Variants in SNX29 observed in about 807,000 individuals in gnomAD.
SNX29 encodes the protein sorting nexin-29.
A neutral mutation model predicts 102.1 loss-of-function variants in SNX29; 78 were observed. That is an observed-to-expected ratio of 0.76 (90% CI 0.64 to 0.92). SNX29 has a LOEUF of 0.92. Ranked by LOEUF, SNX29 falls within the 40% of genes least tolerant of loss-of-function variation. The probability of loss-of-function intolerance (pLI) is 0.00; values close to 1 mark genes in which losing one functional copy is unlikely to be tolerated. For synonymous variants in SNX29, 580 were observed against 414.5 expected (o/e 1.40, Z -4.85); for missense variants, 1,280 against 1,061.7 (o/e 1.21, Z -2.86).
intron 15 of SNX29, among the ~76,000 whole-genome samples, chr16:12,282,108 A>G (rs866535583): frequency 4.6e-4 from 67 of 147,006 alleles, no homozygotes; most frequent in Non-Finnish European, 8.2e-4. Flanking sequence ...AAAAAAAAAA[A>G]TGCAGAGCTG....
intron 15 of SNX29, among the ~76,000 whole-genome samples, chr16:12,332,233 C>T (rs2081311593): frequency 6.6e-6 from 1 of 152,102 alleles, no homozygotes; most frequent in South Asian, 2.1e-4. Flanking sequence ...GGTGTGTGCA[C>T]TTGCGTCCTT....
chr16:12,342,565 T>G (rs2081640480), intron 15 of SNX29, among the ~76,000 whole-genome samples: 1 of 152,174 alleles, frequency 6.6e-6, no homozygotes, highest in African/African-American at 2.4e-5. Context: ...ATGTGCCCAG[T>G]TCTGTGTGTC....
intron 20 of SNX29, among the ~76,000 whole-genome samples, chr16:12,532,806 C>G (rs368339319): frequency 5.1e-4 from 78 of 152,278 alleles, no homozygotes; most frequent in South Asian, 3.1e-3. Context: ...GGTGCGAAAG[C>G]TGAAGACAGC....
intron 19 of SNX29, among the ~76,000 whole-genome samples, chr16:12,489,774 C>G (rs551809389): frequency 6.6e-6 from 1 of 152,252 alleles, no homozygotes; most frequent in African/African-American, 2.4e-5. Context: ...CTTCCTCCCC[C>G]GTTCACTTCT....
chr16:12,513,540 G>A (rs191918), intron 19 of SNX29, among the ~76,000 whole-genome samples: 29,143 of 151,906 alleles, frequency 0.19, 3,970 homozygotes, highest in African/African-American at 0.39. Flanking sequence ...TGCCTGGTGC[G>A]TTCCAGGTGG....
In SNX29 at chr16:12,552,578, C is replaced by G. The variant is rs2561035; in HGVS notation, c.2319-15928C>G. Among the ~76,000 whole-genome samples, 1,468 of 151,514 alleles carry G rather than the reference C, an allele frequency of 9.7e-3. 10 individuals carry two copies. Among genetic ancestry groups the G allele is most frequent in the Non-Finnish European group, 0.015 (1,054 of 68,012 alleles). ...CACACAGGCCAGCCAAGTTGCTGCC[C>G]TCATGGAGTTTATATTCTCATGGGG... On this transcript the variant is annotated intron_variant, in intron 20 of 20. Coordinates refer to ENST00000566228, the MANE Select transcript of SNX29 (RefSeq NM_032167.5).
chr16:12,164,912 T>A (rs2055948630), intron 13 of SNX29, among the ~76,000 whole-genome samples: 1 of 152,162 alleles, frequency 6.6e-6, no homozygotes, highest in Non-Finnish European at 1.5e-5. Context: ...GGTCTTGAAC[T>A]CCTGACCTCA....
At chr16:12,398,298 C>G (rs2083791276) in intron 16 of SNX29, 148 bp from the exon 17 acceptor site, 1 of 817,380 alleles carries the variant, frequency 1.2e-6, no homozygotes, top group South Asian at 1.6e-5. Flanking sequence ...CACACAATCT[C>G]TTACCGTTTT....
intron 11 of SNX29, among the ~76,000 whole-genome samples, chr16:12,114,212 A>G (rs924839164): frequency 2.6e-5 from 4 of 152,224 alleles, no homozygotes; most frequent in African/African-American, 9.6e-5. Flanking sequence ...AAGTAAAATA[A>G]GGGAATAATA....
chr16:12,297,918 C>G (rs926773410), intron 15 of SNX29, among the ~76,000 whole-genome samples: 19 of 152,300 alleles, frequency 1.2e-4, no homozygotes, highest in African/African-American at 4.3e-4. Context: ...ACCTGTAATC[C>G]CAGCACTTTA....
chr16:12,009,723 C>T (rs2056585207), intron 3 of SNX29, among the ~76,000 whole-genome samples: 2 of 152,068 alleles, frequency 1.3e-5, no homozygotes, highest in Non-Finnish European at 2.9e-5. Context: ...AACAAAGACT[C>T]GTTCTTATGG....
At chr16:12,363,064 C>T (rs1296644969) in intron 16 of SNX29, among the ~76,000 whole-genome samples, 4 of 152,148 alleles carry the variant, frequency 2.6e-5, no homozygotes, top group South Asian at 4.1e-4. Flanking sequence ...AGGCAGCTCT[C>T]ATCATCAGAT....
intron 20 of SNX29, among the ~76,000 whole-genome samples, chr16:12,562,349 CCTTT>C (rs1028348377): frequency 1.3e-5 from 2 of 151,424 alleles, no homozygotes; most frequent in Admixed American, 6.6e-5. Context: ...GTGATTTCCC[CCTTT>C]ATTTTTGCTT....
chr16:12,042,250 T>G (rs2049910747), intron 4 of SNX29, among the ~76,000 whole-genome samples: 3 of 152,156 alleles, frequency 2.0e-5, no homozygotes, highest in Non-Finnish European at 4.4e-5. Context: ...AGGCTGGTCT[T>G]GAACTCCTAG....
chr16:12,246,473 T>TC (rs927223002), intron 14 of SNX29, among the ~76,000 whole-genome samples: 2 of 151,900 alleles, frequency 1.3e-5, no homozygotes, highest in African/African-American at 4.8e-5. Flanking sequence ...AAACCCCATC[T>TC]CTCTTAAAAA....
intron 18 of SNX29, among the ~76,000 whole-genome samples, chr16:12,427,307 A>G (rs2151612796): frequency 6.6e-6 from 1 of 152,084 alleles, no homozygotes; most frequent in Middle Eastern, 3.4e-3. Flanking sequence ...TCTTGATTTC[A>G]ATGTTAAAAC....
Position 12,098,177 on chromosome 16 carries a change from C to T in SNX29, c.1402+19262C>T, listed in dbSNP as rs945047678. Among the ~76,000 whole-genome samples the T allele has an allele frequency of 3.3e-5, 5 of 152,320 alleles. No individual in the cohort carries two copies. Among genetic ancestry groups the T allele is most frequent in the Admixed American group, 2.6e-4 (4 of 15,298 alleles). ...AGCAGTTCTAACCCTTCCCCTGCCC[C>T]CTCCTTCAACTCCTTTTCCTCCTCC... On this transcript the variant is annotated intron_variant, in intron 11 of 20. Coordinates refer to ENST00000566228, the MANE Select transcript of SNX29 (RefSeq NM_032167.5). This position sits in a 1 kb window ranked among gnomAD's most constrained non-coding sequence, Gnocchi z 6.0.
intron 20 of SNX29, among the ~76,000 whole-genome samples, chr16:12,539,610 T>G (rs1050665725): frequency 1.3e-5 from 2 of 152,190 alleles, no homozygotes; most frequent in Admixed American, 6.5e-5. Context: ...ACCTAAGAGT[T>G]GAGGACTGGA....
In SNX29 at chr16:12,519,279, C is replaced by T. The variant is rs187878252; in HGVS notation, c.2179-5423C>T. ...GGTGAAAATGGTGGCACCATGTCCC[C>T]CAAAAGGTCAGAACCCAGGTGATCG... is the stretch of plus-strand genomic sequence containing the variant. On this transcript the variant is annotated intron_variant, in intron 19 of 20. Transcript: ENST00000566228. Among the ~76,000 whole-genome samples, 42 of 152,262 alleles carry T rather than the reference C, an allele frequency of 2.8e-4. No individual in the cohort carries two copies. The East Asian group carries it at 4.1e-3, about 15-fold the overall frequency.
Sources: gnomAD v4.1 joint callset for allele counts (sites outside exome capture counted in the v4.1 genomes callset) on GRCh38, gnomAD v4.1.1 for gene constraint, Gnocchi (gnomAD v3.1) non-coding constraint, MANE v1.5 for transcripts, NCBI Gene and HGNC (gene_info 2026-07-23, HGNC 2026-07-21) for gene names.